The following FIP1L1 variants were observed in gnomAD, a reference collection of about 807,000 sequenced individuals.
FIP1L1 encodes the protein pre-mRNA 3'-end-processing factor FIP1.
A neutral mutation model predicts 84.6 loss-of-function variants in FIP1L1; 21 were observed. That is an observed-to-expected ratio of 0.25 (90% CI 0.18 to 0.36). FIP1L1 has a LOEUF of 0.36. Ranked by LOEUF, FIP1L1 falls within the 10% of genes least tolerant of loss-of-function variation. The pLI, the probability that FIP1L1 is intolerant of heterozygous loss-of-function variation, is 1.00. For missense variants in FIP1L1, 526 were observed against 751.1 expected, an observed-to-expected ratio of 0.70 and a Z score of 3.50; for synonymous variants, 263 against 242.3, an observed-to-expected ratio of 1.09 and a Z score of -0.80.
chr4:53,453,188 T>G (rs760051886), intron 16 of FIP1L1, 55 bp downstream of exon 16: 14 of 1,592,604 alleles, frequency 8.8e-6, no homozygotes, highest in Non-Finnish European at 8.6e-7. Context: ...CTTACAAATT[T>G]ATTTTCGTTA....
chr4:53,411,814 A>G (rs184273019), intron 10 of FIP1L1, among the ~76,000 whole-genome samples: 2 of 152,284 alleles, frequency 1.3e-5, no homozygotes, highest in East Asian at 3.8e-4. Context: ...GTAAAATTTT[A>G]TATTTAATAT....
chr4:53,380,811 C>A (rs570611320), intron 3 of FIP1L1, among the ~76,000 whole-genome samples: 4 of 152,274 alleles, frequency 2.6e-5, no homozygotes, highest in African/African-American at 9.6e-5. Context: ...TTGAATATTT[C>A]TTTGTACCCA....
intron 16 of FIP1L1, among the ~76,000 whole-genome samples, chr4:53,456,482 C>T (rs546079483): frequency 1.3e-5 from 2 of 152,130 alleles, no homozygotes; most frequent in South Asian, 4.1e-4. Context: ...TGAATTATCC[C>T]AGGAAAAAAT....
intron 10 of FIP1L1, among the ~76,000 whole-genome samples, chr4:53,408,174 T>C (rs576361595): frequency 6.6e-6 from 1 of 152,100 alleles, no homozygotes; most frequent in Non-Finnish European, 1.5e-5. Flanking sequence ...TCAGGAGCTC[T>C]TTTAGGGCAG....
In FIP1L1 at chr4:53,390,511, T is replaced by G; in HGVS notation, c.398-10T>G. The G allele has an allele frequency of 6.3e-7, 1 of 1,585,284 alleles. No individual in the cohort carries two copies. The highest frequency in any genetic ancestry group is 8.6e-7 in the Non-Finnish European group (1 of 1,157,474). On this transcript the variant is annotated splice_polypyrimidine_tract_variant and intron_variant, in intron 6 of 17. Transcript: ENST00000337488. ...GTATAGCTCCTTCATTTTGTAATTT[T>G]ATAAAACAGGGACAAAAGTCAAAGG...
intron 14 of FIP1L1, among the ~76,000 whole-genome samples, chr4:53,443,143 G>T (rs527576019): frequency 1.3e-5 from 2 of 152,182 alleles, no homozygotes; most frequent in South Asian, 4.1e-4. Flanking sequence ...CACAAAGAAG[G>T]ATTAGATCCA....
chr4:53,378,063 C>CGCG (rs1735554786), intron 1 of FIP1L1, 140 bp downstream of exon 1: 3 of 677,110 alleles, frequency 4.4e-6, no homozygotes, highest in Non-Finnish European at 2.3e-6. Flanking sequence ...TTAGGCCGAG[C>CGCG]GCGGCGTGCG....
chr4:53,390,580 T>C lies in FIP1L1; in HGVS notation c.457T>C (p.Leu153=), dbSNP rs1743738792. The C allele has an allele frequency of 6.2e-7, 1 of 1,613,018 alleles. No homozygotes were observed. Among genetic ancestry groups the C allele is most frequent in the Non-Finnish European group, 8.5e-7 (1 of 1,179,214 alleles). The change falls in exon 7 of 18, where the codon TTA becomes CTA. Residue 153 remains leucine (L), a synonymous_variant. Transcript: ENST00000337488. The part of the protein sequence containing the change: ...APGSINGVPL[L]EVDLDSFEDK... The stretch of plus-strand genomic sequence containing the variant: ...TGGAAGCATTAATGGAGTTCCACTC[T>C]TAGAGGTAGATTTGGATTCTTTTGA...
chr4:53,404,099 T>C (rs1422246686), intron 10 of FIP1L1, among the ~76,000 whole-genome samples: 1 of 151,548 alleles, frequency 6.6e-6, no homozygotes, highest in East Asian at 1.9e-4. Context: ...CATGCTGGTG[T>C]GCTGCACCCA....
At chr4:53,440,257 G>A (rs1408675108) in intron 13 of FIP1L1, among the ~76,000 whole-genome samples, 1 of 152,010 alleles carries the variant, frequency 6.6e-6, no homozygotes, top group East Asian at 1.9e-4. Flanking sequence ...CTCAGGCATT[G>A]ATTATCATAT....
At chr4:53,416,504 A>G (rs999156407) in intron 11 of FIP1L1, among the ~76,000 whole-genome samples, 1 of 152,224 alleles carries the variant, frequency 6.6e-6, no homozygotes, top group Non-Finnish European at 1.5e-5. Flanking sequence ...TTTTCTGACT[A>G]GTCCCTGGTT....
At chr4:53,378,896 T>G in intron 1 of FIP1L1, 177 bp from the exon 2 acceptor site, 1 of 644,564 alleles carries the variant, frequency 1.6e-6, no homozygotes, top group Non-Finnish European at 2.6e-6. Context: ...GATTTAGCAT[T>G]AGTTACTACT....
In FIP1L1 at chr4:53,408,399, C is replaced by G. The variant is rs143999818; in HGVS notation, c.816-6216C>G. Among the ~76,000 whole-genome samples the G allele has an allele frequency of 9.4e-3, 1,425 of 152,242 alleles. 20 individuals carry two copies. The highest frequency in any genetic ancestry group is 0.033 in the African/African-American group (1,361 of 41,530). ...TAATGGGCTTCACTTTGTGGGTAAC[C>G]CGACCTTTCTCTCTGGCTGCCCTGA... On this transcript the variant is annotated intron_variant, in intron 10 of 17. Transcript: ENST00000337488.
intron 9 of FIP1L1, among the ~76,000 whole-genome samples, chr4:53,396,834 T>G (rs1414853080): frequency 6.6e-6 from 1 of 152,246 alleles, no homozygotes; most frequent in Non-Finnish European, 1.5e-5. Context: ...TCTTAGTCTC[T>G]CTATATAAAT....
rs1234128392 is a variant in FIP1L1 at position 53,452,358 on chromosome 4, G to A, written c.1286-562G>A. 5.4e-5 allele frequency among the ~76,000 whole-genome samples: 8 copies of A among 148,968 alleles called. No homozygotes were observed. The South Asian group carries it at 8.5e-4, about 16-fold the overall frequency. On this transcript the variant is annotated intron_variant, in intron 15 of 17. Coordinates refer to ENST00000337488, the MANE Select transcript of FIP1L1 (RefSeq NM_030917.4). ...TTTTTTGAGATAGTCTCACTCTGTC[G>A]CCCAGGCTAGAGTGCAGTGACATGA...
chr4:53,396,912 T>C (rs1419054093), intron 9 of FIP1L1, among the ~76,000 whole-genome samples: 5 of 15,774 alleles, frequency 3.2e-4, no homozygotes, highest in Non-Finnish European at 7.4e-4. Flanking sequence ...GATTTCAGAT[T>C]GAGCATTTTT....
intron 5 of FIP1L1, 99 bp downstream of exon 5, chr4:53,383,975 A>G (rs1265036970): frequency 2.3e-5 from 25 of 1,090,738 alleles, no homozygotes; most frequent in Non-Finnish European, 3.2e-5. Flanking sequence ...TTGTTTTTAC[A>G]TTTTTCTATT....
At chr4:53,398,761 A>G (rs994476508) in intron 9 of FIP1L1, among the ~76,000 whole-genome samples, 8 of 152,220 alleles carry the variant, frequency 5.3e-5, no homozygotes, top group Non-Finnish European at 1.2e-4. Flanking sequence ...GAGGAATGTG[A>G]CTGGGCTACA....
Position 53,414,500 on chromosome 4 carries a change from T to G in FIP1L1, c.816-115T>G, listed in dbSNP as rs1758562214. Reference sequence around the variant, plus strand: ...TTTATATGACTTGAGAATGATACTGTAGGAACATACTAAAAGACTTTAGAA... The same window carrying G: ...TTTATATGACTTGAGAATGATACTGGAGGAACATACTAAAAGACTTTAGAA... On this transcript the variant is annotated intron_variant, in intron 10 of 17. Coordinates refer to ENST00000337488, the MANE Select transcript of FIP1L1 (RefSeq NM_030917.4). 3 of 623,820 alleles carry G rather than the reference T, an allele frequency of 4.8e-6. No individual in the cohort carries two copies. In the African/African-American group the frequency reaches 5.7e-5, roughly 12 times the overall value. 38.6% of individuals were successfully genotyped at this position (623,820 alleles called of 1,614,324 possible). A position where few individuals can be genotyped will look rare whatever the true frequency, so the allele number is the denominator to read the frequency against.
Sources: gnomAD v4.1 joint callset for allele counts (sites outside exome capture counted in the v4.1 genomes callset) on GRCh38, gnomAD v4.1.1 for gene constraint, MANE v1.5 for transcripts, NCBI Gene and HGNC (gene_info 2026-07-23, HGNC 2026-07-21) for gene names.